The following FAM120B variants were observed in gnomAD, a reference collection of about 807,000 sequenced individuals.
The protein encoded by FAM120B is family with sequence similarity 120 member B.
A neutral mutation model predicts 96.3 loss-of-function variants in FAM120B; 83 were observed. That is an observed-to-expected ratio of 0.86 (90% CI 0.72 to 1.03). The LOEUF (loss-of-function observed/expected upper bound fraction) is 1.03, where lower values mean the gene tolerates loss of function less well. Ranked by LOEUF, FAM120B falls within the 50% of genes least tolerant of loss-of-function variation. The pLI, the probability that FAM120B is intolerant of heterozygous loss-of-function variation, is 0.00. For missense variants in FAM120B, 1,027 were observed against 1,121.2 expected (o/e 0.92, Z 1.20); for synonymous variants, 407 against 402.7 (o/e 1.01, Z -0.13).
intron 2 of FAM120B, among the ~76,000 whole-genome samples, chr6:170,321,482 A>G (rs1175932627): frequency 2.6e-5 from 4 of 152,126 alleles, no homozygotes; most frequent in Admixed American, 6.5e-5. Context: ...GGTTCAAGCA[A>G]TTCTCCTGCC....
intron 4 of FAM120B, among the ~76,000 whole-genome samples, chr6:170,344,709 A>G (rs1787065210): frequency 6.6e-6 from 1 of 151,434 alleles, no homozygotes; most frequent in African/African-American, 2.4e-5. Context: ...GCGTGGATCC[A>G]TTCCCTCACC....
At chr6:170,360,442 C>T (rs1471141709) in intron 6 of FAM120B, among the ~76,000 whole-genome samples, 1 of 152,176 alleles carries the variant, frequency 6.6e-6, no homozygotes, top group Non-Finnish European at 1.5e-5. Flanking sequence ...TTTTGACACC[C>T]TGTCCGGGGT....
chr6:170,319,859 A>G (rs1384387039), intron 2 of FAM120B, among the ~76,000 whole-genome samples: 1 of 152,208 alleles, frequency 6.6e-6, no homozygotes, highest in Non-Finnish European at 1.5e-5. Context: ...TTGGAGAAAA[A>G]AATGGGAAAA....
At chr6:170,302,609 C>G (rs1784165774), upstream of FAM120B, among the ~76,000 whole-genome samples, 1 of 152,232 alleles carries the variant, frequency 6.6e-6, no homozygotes, top group Admixed American at 6.5e-5. Flanking sequence ...GGGTTTCTCT[C>G]TCACAGCTGA....
At position 170,346,254 on chromosome 6, in the gene FAM120B, A is replaced by G. The variant is rs75270013; in HGVS notation, c.2018-1897A>G. On this transcript the variant is annotated intron_variant, in intron 4 of 10. Transcript: ENST00000476287. ...CACAGGTAAAATCTTTCCACTGTCC[A>G]TCTCCCTGCACGCTGATGGGGACAT... Among the ~76,000 whole-genome samples, 1,337 of 152,092 alleles carry G rather than the reference A, an allele frequency of 8.8e-3. 65 individuals are homozygous for G. The East Asian group carries it at 0.1, about 12-fold the overall frequency.
chr6:170,365,073 G>C (rs1788693658), intron 6 of FAM120B, among the ~76,000 whole-genome samples: 1 of 152,222 alleles, frequency 6.6e-6, no homozygotes, highest in Admixed American at 6.5e-5. Context: ...TGGTGTGCCT[G>C]GGGCACGTAC....
At chr6:170,367,683 G>A (rs1264577238) in intron 6 of FAM120B, among the ~76,000 whole-genome samples, 4 of 152,260 alleles carry the variant, frequency 2.6e-5, no homozygotes, top group African/African-American at 9.6e-5. Context: ...CCCCATGCGT[G>A]AATGTAGCAA....
chr6:170,361,198 G>GTGTATATATATATA (rs1426112399), intron 6 of FAM120B, among the ~76,000 whole-genome samples: 5 of 66,036 alleles, frequency 7.6e-5, no homozygotes, highest in Non-Finnish European at 1.1e-4. Flanking sequence ...ATATATACGT[G>GTGTATATATATATA]TATATATATA....
rs578153674 is a variant in FAM120B at position 170,327,342 on chromosome 6, G to A, written c.1916-3107G>A. On this transcript the variant is annotated intron_variant, in intron 3 of 10. Transcript: ENST00000476287. Reference sequence around the variant, plus strand: ...ATTACAGGCGTGAGCCACCGCGCCCGGCCAACTTGAATTTTATAGAGTATA... The same window carrying A: ...ATTACAGGCGTGAGCCACCGCGCCCAGCCAACTTGAATTTTATAGAGTATA... 2.1e-4 allele frequency among the ~76,000 whole-genome samples: 32 copies of A among 152,200 alleles called. No homozygotes were observed. In the South Asian group the frequency reaches 5.6e-3, roughly 27 times the overall value.
chr6:170,402,800 CTTCTG>C (rs1293623782), intron 9 of FAM120B, among the ~76,000 whole-genome samples: 5 of 152,370 alleles, frequency 3.3e-5, no homozygotes, highest in African/African-American at 9.6e-5. Context: ...TGTTTTACCA[CTTCTG>C]TTCTGGTCAC....
At position 170,405,558 on chromosome 6, in the gene FAM120B, G is replaced by A. The variant is rs1204027535; in HGVS notation, c.*807G>A. The A allele has an allele frequency of 6.6e-6, 1 of 152,230 alleles. No individual in the cohort carries two copies. The highest frequency in any genetic ancestry group is 1.9e-4 in the East Asian group (1 of 5,200). 9.4% of individuals were successfully genotyped at this position (152,230 alleles called of 1,614,324 possible). ...TAATTTTCAGACTTCAGTTGACCAT[G>A]AGTAACCGAAACCACAGAAAGTGAA... On this transcript the variant is annotated 3_prime_UTR_variant, in exon 11 of 11. Transcript: ENST00000476287.
chr6:170,323,185 C>A lies in FAM120B; in HGVS notation c.1841C>A (p.Ala614Asp). 6.2e-7 allele frequency: 1 copy of A among 1,614,102 alleles called. No individual in the cohort carries two copies. The highest frequency in any genetic ancestry group is 8.5e-7 in the Non-Finnish European group (1 of 1,180,004). ...ACCCTAGAAGATGAGCTTGACCAGG[C>A]CTTACCCAGCCAGGCCTTCATTTAC... ...SNTLEDELDQ[A>D]LPSQAFIYRP... Residue 614 changes from alanine (A) to aspartate (D), a missense_variant, in exon 3 of 11, where the codon GCC becomes GAC. By Grantham distance (126) the Ala-to-Asp change is moderately radical. This residue lies in a region of FAM120B where 880 missense variants were observed against 980.9 expected (regional missense o/e 0.90). Transcript: ENST00000476287.
chr6:170,348,879 G>C (rs1036197229), intron 5 of FAM120B, among the ~76,000 whole-genome samples: 1 of 152,100 alleles, frequency 6.6e-6, no homozygotes, highest in African/African-American at 2.4e-5. Flanking sequence ...GCGATTTCAG[G>C]TGTCATAACC....
chr6:170,394,359 A>C (rs531120131), intron 8 of FAM120B, among the ~76,000 whole-genome samples: 2 of 152,250 alleles, frequency 1.3e-5, no homozygotes, highest in African/African-American at 4.8e-5. Context: ...CTGTTAGTTC[A>C]GGACCTGTAT....
At chr6:170,297,473 T>A (rs1784041789) in intron 1 of FAM120B, among the ~76,000 whole-genome samples, 1 of 152,216 alleles carries the variant, frequency 6.6e-6, no homozygotes, top group African/African-American at 2.4e-5. Context: ...TATTAATCTG[T>A]ACTCCCCAGA....
chr6:170,310,796 T>G (rs1784545304), intron 1 of FAM120B, among the ~76,000 whole-genome samples: 1 of 152,212 alleles, frequency 6.6e-6, no homozygotes, highest in Non-Finnish European at 1.5e-5. Context: ...CAACCAAAGC[T>G]CTCTGCTTCT....
upstream of FAM120B, chr6:170,291,019 G>C: frequency 1.4e-6 from 1 of 702,014 alleles, no homozygotes; most frequent in Middle Eastern, 2.3e-4. Context: ...TCTGGCGAGA[G>C]CTGTCACAAA....
intron 5 of FAM120B, among the ~76,000 whole-genome samples, chr6:170,349,897 T>TG (rs1391854998): frequency 1.3e-5 from 2 of 151,838 alleles, no homozygotes; most frequent in Admixed American, 1.3e-4. Context: ...GTGCCCCACC[T>TG]GGGAACAGTA....
intron 7 of FAM120B, 80 bp from the exon 8 acceptor site, chr6:170,390,933 A>G: frequency 8.7e-7 from 1 of 1,152,690 alleles, no homozygotes; most frequent in Admixed American, 1.9e-5. Context: ...GGTGTCCCCT[A>G]AGCTTCCTTC....
Sources: gnomAD v4.1 joint callset for allele counts (sites outside exome capture counted in the v4.1 genomes callset) on GRCh38, gnomAD v4.1.1 for gene constraint, gnomAD v4.1.1 regional missense constraint, MANE v1.5 for transcripts, NCBI Gene and HGNC (gene_info 2026-07-23, HGNC 2026-07-21) for gene names.